Variants in CCNY observed in about 807,000 individuals in gnomAD.
The protein encoded by CCNY is cyclin-Y.
Under a neutral mutation model 42.8 loss-of-function variants are expected in CCNY, and 19 were observed. The ratio of observed to expected loss-of-function variants is 0.44; its 90% CI spans 0.31 to 0.65. The LOEUF (loss-of-function observed/expected upper bound fraction) is 0.65, where lower values mean the gene tolerates loss of function less well. Ranked by LOEUF, CCNY falls within the 30% of genes least tolerant of loss-of-function variation. The probability of loss-of-function intolerance (pLI) is 0.07; values close to 1 mark genes in which losing one functional copy is unlikely to be tolerated. For synonymous variants in CCNY, 165 were observed against 162.7 expected (o/e 1.01, Z -0.11); for missense variants, 370 against 437.3 (o/e 0.85, Z 1.37).
rs542914713 is a variant in CCNY, at chr10:35,297,268, C to T, written c.-9+46642C>T. 2.6e-5 allele frequency among the ~76,000 whole-genome samples: 4 copies of T among 152,194 alleles called. No homozygotes were observed. The East Asian group carries it at 7.7e-4, about 29-fold the overall frequency. ...CTAAAAACAAAAAGCATAATGATCT[C>T]AATAGATGCAGAAAGGCTTTTGATA... On this transcript the variant is annotated intron_variant, in intron 3 of 11. Coordinates refer to the CCNY transcript ENST00000374706.
At chr10:35,257,761 G>A (rs1240032257) in intron 3 of CCNY, among the ~76,000 whole-genome samples, 2 of 152,080 alleles carry the variant, frequency 1.3e-5, no homozygotes, top group Non-Finnish European at 2.9e-5. Flanking sequence ...CTTCTTGGAT[G>A]TTTATATTCA....
At chr10:35,391,561 G>C (rs552962110) in intron 1 of CCNY, among the ~76,000 whole-genome samples, 1 of 152,174 alleles carries the variant, frequency 6.6e-6, no homozygotes, top group African/African-American at 2.4e-5. Context: ...TTAAAATGGA[G>C]AATCAAAGAA....
At chr10:35,443,806 G>A (rs1386259074) in intron 1 of CCNY, among the ~76,000 whole-genome samples, 1 of 152,198 alleles carries the variant, frequency 6.6e-6, no homozygotes, top group African/African-American at 2.4e-5. Flanking sequence ...TTATTTGGAG[G>A]TGTTTTTGCC....
At chr10:35,398,050 T>C (rs1380601923) in intron 1 of CCNY, among the ~76,000 whole-genome samples, 1 of 151,872 alleles carries the variant, frequency 6.6e-6, no homozygotes, top group Non-Finnish European at 1.5e-5. Context: ...CCATGTGGAG[T>C]GGGCATGGAT....
chr10:35,341,526 C>T (rs574088226), intron 1 of CCNY, among the ~76,000 whole-genome samples: 2 of 152,306 alleles, frequency 1.3e-5, no homozygotes, highest in African/African-American at 2.4e-5. Context: ...TTGTTTGGTT[C>T]ACTGATGTAA....
chr10:35,335,511 C>G (rs1011885743), upstream of CCNY, among the ~76,000 whole-genome samples: 3 of 151,736 alleles, frequency 2.0e-5, no homozygotes, highest in Admixed American at 2.0e-4. Flanking sequence ...CGGCAAAGCT[C>G]AAAATACAAT....
intron 3 of CCNY, among the ~76,000 whole-genome samples, chr10:35,317,945 C>T (rs528738942): frequency 1.2e-4 from 18 of 152,268 alleles, no homozygotes; most frequent in Admixed American, 1.0e-3. Context: ...TTACATAGTT[C>T]CAGCCTGGCG....
At chr10:35,501,989 G>A (rs554684824) in intron 3 of CCNY, among the ~76,000 whole-genome samples, 3 of 152,290 alleles carry the variant, frequency 2.0e-5, no homozygotes, top group South Asian at 2.1e-4. Context: ...TAGAGTCTGC[G>A]TGTTCTTCTG....
intron 3 of CCNY, among the ~76,000 whole-genome samples, chr10:35,302,509 C>G (rs1340670710): frequency 6.6e-6 from 1 of 151,894 alleles, no homozygotes; most frequent in African/African-American, 2.4e-5. Flanking sequence ...CGGGGTTTCT[C>G]CATGTTGGCC....
intron 3 of CCNY, among the ~76,000 whole-genome samples, chr10:35,503,891 AGCTT>A (rs1318896216): frequency 6.6e-6 from 1 of 152,220 alleles, no homozygotes; most frequent in Non-Finnish European, 1.5e-5. Context: ...GAGGTTGTTT[AGCTT>A]GCTTATCTGA....
chr10:35,270,979 C>T (rs1340956538), intron 3 of CCNY, among the ~76,000 whole-genome samples: 1 of 152,178 alleles, frequency 6.6e-6, no homozygotes, highest in East Asian at 1.9e-4. Context: ...CCCGCCTCAG[C>T]CTCCCAAAGT....
At chr10:35,321,692 C>A (rs770115731) in intron 3 of CCNY, among the ~76,000 whole-genome samples, 2 of 151,980 alleles carry the variant, frequency 1.3e-5, no homozygotes, top group African/African-American at 4.8e-5. Context: ...AAAAGAAAAT[C>A]CCAGCAGGCA....
At chr10:35,272,573 A>T (rs1309706494) in intron 3 of CCNY, among the ~76,000 whole-genome samples, 1 of 152,172 alleles carries the variant, frequency 6.6e-6, no homozygotes, top group East Asian at 1.9e-4. Flanking sequence ...CTTCAGCTGT[A>T]TCTGTGTTCC....
chr10:35,536,315 C>T (rs935622202), intron 7 of CCNY, among the ~76,000 whole-genome samples: 1 of 152,148 alleles, frequency 6.6e-6, no homozygotes. Flanking sequence ...AATTGCAAGT[C>T]CAATTAAACC....
At chr10:35,394,795 A>G (rs1171536611) in intron 1 of CCNY, 21 of 976,936 alleles carry the variant, frequency 2.1e-5, no homozygotes, top group Non-Finnish European at 2.6e-5. Context: ...CTTGGTGACC[A>G]CACCATATTC....
chr10:35,329,887 C>A (rs1346590239), intron 3 of CCNY, among the ~76,000 whole-genome samples: 3 of 152,158 alleles, frequency 2.0e-5, no homozygotes, highest in Non-Finnish European at 4.4e-5. Context: ...GACAGGACCG[C>A]CTGCTTCAGT....
intron 7 of CCNY, among the ~76,000 whole-genome samples, chr10:35,536,475 AAC>A (rs1840889707): frequency 1.3e-5 from 2 of 152,192 alleles, no homozygotes; most frequent in Non-Finnish European, 2.9e-5. Flanking sequence ...CAGAGATTGG[AAC>A]AGTTTGAAAG....
intron 1 of CCNY, among the ~76,000 whole-genome samples, chr10:35,399,617 G>A (rs565654955): frequency 2.0e-5 from 3 of 152,138 alleles, no homozygotes; most frequent in African/African-American, 7.2e-5. Context: ...CAAGGTAGGG[G>A]GTTTGCTTCA....
Position 35,571,797 on chromosome 10 carries a change from A to C in CCNY, c.*2627A>C, listed in dbSNP as rs1387671511. ...TAAAGCTGGATTACTATTGAGGAAC[A>C]CATTGTCTTAGTGTAGTTTTTGAAT... On this transcript the variant is annotated 3_prime_UTR_variant, in exon 10 of 10. Coordinates refer to ENST00000374704, the MANE Select transcript of CCNY (RefSeq NM_145012.6). The C allele has an allele frequency of 2.0e-5, 3 of 152,508 alleles. No homozygotes were observed. The highest frequency in any genetic ancestry group is 6.8e-3 in the Middle Eastern group (2 of 294). 9.4% of individuals were successfully genotyped at this position (152,508 alleles called of 1,614,324 possible).
Sources: gnomAD v4.1 joint callset for allele counts (sites outside exome capture counted in the v4.1 genomes callset) on GRCh38, gnomAD v4.1.1 for gene constraint, MANE v1.5 for transcripts, NCBI Gene and HGNC (gene_info 2026-07-23, HGNC 2026-07-21) for gene names.